MTMR2: variants seen among roughly 807,000 people sequenced by gnomAD.
MTMR2 encodes phosphatidylinositol-3,5-bisphosphate 3-phosphatase MTMR2.
A neutral mutation model predicts 86.9 loss-of-function variants in MTMR2; 55 were observed. That is an observed-to-expected ratio of 0.63 (90% CI 0.51 to 0.79). The LOEUF is 0.79. MTMR2 is among the 30% of genes least tolerant of loss of function. The pLI, the probability that MTMR2 is intolerant of heterozygous loss-of-function variation, is 0.00. For missense variants in MTMR2, 659 were observed against 772.3 expected (o/e 0.85, Z 1.74); for synonymous variants, 241 against 266.8 (o/e 0.90, Z 0.94).
Position 95,834,568 on chromosome 11 carries a change from A to G in MTMR2, c.*722T>C, listed in dbSNP as rs943619113. ...TCATGATGTTTCTGGTAATTGGGCT[A>G]ATCTGAAGGGCATGGAATTCTTTGA... On this transcript the variant is annotated 3_prime_UTR_variant, in exon 15 of 15. Transcript: ENST00000346299. The G allele has an allele frequency of 1.3e-5, 2 of 152,160 alleles. No individual in the cohort carries two copies. The highest frequency in any genetic ancestry group is 4.8e-5 in the African/African-American group (2 of 41,426). The allele number at this position is 152,160 out of a possible 1,614,324, so 9.4% of individuals were successfully genotyped here.
intron 2 of MTMR2, among the ~76,000 whole-genome samples, chr11:95,869,465 T>C (rs1260525487): frequency 6.6e-6 from 1 of 152,142 alleles, no homozygotes; most frequent in Non-Finnish European, 1.5e-5. Flanking sequence ...TGACACACTT[T>C]CTCTAATACT....
chr11:95,865,565 G>A (rs748457147), intron 3 of MTMR2, 36 bp downstream of exon 3: 12 of 1,543,448 alleles, frequency 7.8e-6, no homozygotes, highest in Admixed American at 5.0e-5. Context: ...ACAGTAGAAC[G>A]GAGAAGGACA....
At chr11:95,907,431 A>G (rs1482106359) in intron 1 of MTMR2, among the ~76,000 whole-genome samples, 1 of 152,098 alleles carries the variant, frequency 6.6e-6, no homozygotes, top group Non-Finnish European at 1.5e-5. Flanking sequence ...ATTCTACTAG[A>G]TGCATAAAGA....
intron 12 of MTMR2, chr11:95,840,089 A>T (rs910935422): frequency 6.6e-6 from 1 of 152,162 alleles, no homozygotes; most frequent in Non-Finnish European, 1.5e-5. Flanking sequence ...CCAAAATCAG[A>T]TGAGATGGGT....
chr11:95,923,666 T>G (rs1310266054), intron 1 of MTMR2: 1 of 1,421,832 alleles, frequency 7.0e-7, no homozygotes. Flanking sequence ...GGTAGAGGAA[T>G]CGATAAAGAA....
chr11:95,852,559 T>C (rs2135448531), intron 7 of MTMR2, among the ~76,000 whole-genome samples: 1 of 152,292 alleles, frequency 6.6e-6, no homozygotes, highest in East Asian at 1.9e-4. Flanking sequence ...ATAATTAGCC[T>C]GGTCCCATCT....
intron 2 of MTMR2, among the ~76,000 whole-genome samples, chr11:95,877,385 T>C (rs1865162902): frequency 7.3e-6 from 1 of 136,536 alleles, no homozygotes; most frequent in South Asian, 2.4e-4. Context: ...TCAGGGACAT[T>C]TTGGTTTTTC....
intron 3 of MTMR2, chr11:95,865,349 TAAAAC>T (rs961843751): frequency 2.1e-6 from 1 of 468,274 alleles, no homozygotes; most frequent in African/African-American, 1.9e-5. Flanking sequence ...TTAAAGAAAG[TAAAAC>T]AAACCAGAGA....
intron 2 of MTMR2, among the ~76,000 whole-genome samples, chr11:95,872,229 G>A (rs1408627782): frequency 2.0e-5 from 3 of 152,054 alleles, no homozygotes; most frequent in South Asian, 2.1e-4. Flanking sequence ...CCATTTTCAC[G>A]ATATTGATTC....
At chr11:95,913,753 A>T (rs1276468670) in intron 1 of MTMR2, among the ~76,000 whole-genome samples, 1 of 152,058 alleles carries the variant, frequency 6.6e-6, no homozygotes, top group African/African-American at 2.4e-5. Flanking sequence ...GAAGGGAAAG[A>T]GGAGGGGAAA....
chr11:95,918,965 G>A lies in MTMR2; in HGVS notation c.80+4910C>T, dbSNP rs577142819. Among the ~76,000 whole-genome samples, 4 of 152,124 alleles carry A rather than the reference G, an allele frequency of 2.6e-5. No individual in the cohort carries two copies. The South Asian group carries it at 8.3e-4, about 31-fold the overall frequency. ...TGATCCTCTCACACCAGCCTCCCAA[G>A]TATCTGGGACTACAGGCATGCACTA... is the stretch of plus-strand genomic sequence containing the variant. On this transcript the variant is annotated intron_variant, in intron 1 of 14. Coordinates refer to ENST00000346299, the MANE Select transcript of MTMR2 (RefSeq NM_016156.6).
At chr11:95,868,273 T>TAAAAAAAAA (rs555618890) in intron 2 of MTMR2, among the ~76,000 whole-genome samples, 23 of 42,220 alleles carry the variant, frequency 5.4e-4, no homozygotes, top group South Asian at 1.8e-3. Flanking sequence ...GACCCTGTGC[T>TAAAAAAAAA]AAAAAAAAAA....
chr11:95,903,977 T>C (rs1591040723), intron 1 of MTMR2, among the ~76,000 whole-genome samples: 2 of 152,058 alleles, frequency 1.3e-5, no homozygotes, highest in Middle Eastern at 3.4e-3. Flanking sequence ...TAGCCAGGCG[T>C]GGTGGCACAC....
At chr11:95,887,412 G>GT (rs1865551997) in intron 2 of MTMR2, among the ~76,000 whole-genome samples, 1 of 150,462 alleles carries the variant, frequency 6.6e-6, no homozygotes, top group African/African-American at 2.4e-5. Flanking sequence ...ATTGTTTCGT[G>GT]TTTTTTGGAG....
chr11:95,905,157 A>G (rs1866209342), intron 1 of MTMR2, among the ~76,000 whole-genome samples: 1 of 151,834 alleles, frequency 6.6e-6, no homozygotes, highest in Non-Finnish European at 1.5e-5. Flanking sequence ...TAATGGTTCC[A>G]TCTCACCTCC....
At chr11:95,904,475 C>A (rs952991086) in intron 1 of MTMR2, among the ~76,000 whole-genome samples, 2 of 152,152 alleles carry the variant, frequency 1.3e-5, no homozygotes, top group Non-Finnish European at 1.5e-5. Flanking sequence ...TTAAGGCATT[C>A]TAAATCACAG....
chr11:95,890,603 T>C (rs1245735835), intron 1 of MTMR2, among the ~76,000 whole-genome samples: 1 of 152,160 alleles, frequency 6.6e-6, no homozygotes, highest in African/African-American at 2.4e-5. Flanking sequence ...AATAAGAATA[T>C]AAAGTTTGAA....
At chr11:95,908,774 G>A (rs1383999260) in intron 1 of MTMR2, among the ~76,000 whole-genome samples, 1 of 151,966 alleles carries the variant, frequency 6.6e-6, no homozygotes, top group Non-Finnish European at 1.5e-5. Flanking sequence ...TGCTGTGAGG[G>A]GGTTATCTAT....
chr11:95,914,512 A>G lies in MTMR2; in HGVS notation c.80+9363T>C, dbSNP rs545774333. Among the ~76,000 whole-genome samples the G allele has an allele frequency of 2.6e-5, 4 of 152,252 alleles. No homozygotes were observed. In the South Asian group the frequency reaches 8.3e-4, roughly 32 times the overall value. ...ATGATACTACCGATACTACCCTCTT[A>G]ATCATCAGGTAATGAATGAAATGAT... On this transcript the variant is annotated intron_variant, in intron 1 of 14. Transcript: ENST00000346299.
Sources: gnomAD v4.1 joint callset for allele counts (sites outside exome capture counted in the v4.1 genomes callset) on GRCh38, gnomAD v4.1.1 for gene constraint, MANE v1.5 for transcripts, NCBI Gene and HGNC (gene_info 2026-07-23, HGNC 2026-07-21) for gene names.